The following IGSF11 variants were observed in gnomAD, a reference collection of about 807,000 sequenced individuals.
IGSF11 encodes the protein immunoglobulin superfamily member 11.
Under a neutral mutation model 41.0 loss-of-function variants are expected in IGSF11, and 22 were observed. The observed-to-expected ratio is 0.54, with a 90% confidence interval of 0.38 to 0.77. IGSF11 has a LOEUF of 0.77. Ranked by LOEUF, IGSF11 falls within the 30% of genes least tolerant of loss-of-function variation. IGSF11 has a pLI of 0.00. For synonymous variants in IGSF11, 219 were observed against 201.3 expected (o/e 1.09, Z -0.74); for missense variants, 444 against 530.8 (o/e 0.84, Z 1.61).
chr3:118,984,335 G>T (rs1007523124), intron 1 of IGSF11, among the ~76,000 whole-genome samples: 4 of 152,132 alleles, frequency 2.6e-5, no homozygotes, highest in African/African-American at 9.7e-5. Context: ...GTTATGTAAG[G>T]AAGGCCCTTC....
intron 1 of IGSF11, among the ~76,000 whole-genome samples, chr3:119,081,517 T>C (rs1020507949): frequency 3.3e-5 from 5 of 152,206 alleles, no homozygotes; most frequent in African/African-American, 1.2e-4. Flanking sequence ...TAAATATATA[T>C]AAAGAACTGT....
chr3:119,007,869 C>G (rs1253494971), intron 1 of IGSF11, among the ~76,000 whole-genome samples: 1 of 152,192 alleles, frequency 6.6e-6, no homozygotes, highest in African/African-American at 2.4e-5. Flanking sequence ...TCTAGTCAAG[C>G]TGCCTAAATA....
intron 1 of IGSF11, among the ~76,000 whole-genome samples, chr3:119,015,901 G>T (rs771097186): frequency 6.6e-6 from 1 of 152,108 alleles, no homozygotes; most frequent in Non-Finnish European, 1.5e-5. Context: ...CTTTCCATGA[G>T]AGAAAAACGA....
At chr3:118,938,037 T>A (rs561139915) in intron 1 of IGSF11, among the ~76,000 whole-genome samples, 2 of 150,114 alleles carry the variant, frequency 1.3e-5, no homozygotes, top group Non-Finnish European at 2.9e-5. Flanking sequence ...TATATATATA[T>A]AAAATGTGTG....
At chr3:119,029,154 T>C (rs1036893665) in intron 1 of IGSF11, among the ~76,000 whole-genome samples, 3 of 140,154 alleles carry the variant, frequency 2.1e-5, no homozygotes, top group Admixed American at 7.4e-5. Flanking sequence ...GTAGACATGG[T>C]ACTGCCTTTT....
At chr3:119,111,286 G>A (rs12494064) in intron 1 of IGSF11, among the ~76,000 whole-genome samples, 11,337 of 152,062 alleles carry the variant, frequency 0.075, 540 homozygotes, top group Admixed American at 0.16. Flanking sequence ...GGCTTTGTTC[G>A]TTTCTTTTTA....
In IGSF11 at chr3:119,055,270, C is replaced by G. The variant is rs372639574; in HGVS notation, c.49+49874G>C. Among the ~76,000 whole-genome samples, 23 of 152,238 alleles carry G rather than the reference C, an allele frequency of 1.5e-4. No individual in the cohort carries two copies. The East Asian group carries it at 4.4e-3, about 29-fold the overall frequency. On this transcript the variant is annotated intron_variant, in intron 1 of 6. Transcript: ENST00000354673. ...CCAGAAACTCTAAAAATCAGAGCAC[C>G]TCTCCTCCTCCAAAGGAATGCAGCT...
At chr3:119,062,209 A>G (rs1178587400) in intron 1 of IGSF11, among the ~76,000 whole-genome samples, 2 of 152,172 alleles carry the variant, frequency 1.3e-5, no homozygotes, top group East Asian at 1.9e-4. Flanking sequence ...CATCATGGGG[A>G]GGAAAGATCC....
chr3:119,007,843 A>G (rs958527119), intron 1 of IGSF11, among the ~76,000 whole-genome samples: 1 of 152,178 alleles, frequency 6.6e-6, no homozygotes, highest in African/African-American at 2.4e-5. Flanking sequence ...CTCCTTTATC[A>G]TATTTCTTTC....
At chr3:118,928,413 C>A (rs1942541446) in intron 3 of IGSF11, 96 bp downstream of exon 3, 3 of 848,104 alleles carry the variant, frequency 3.5e-6, no homozygotes, top group African/African-American at 3.4e-5. Flanking sequence ...AGAACATAAG[C>A]AGACTGAAGG....
chr3:119,045,055 T>A (rs1941268385), intron 1 of IGSF11, among the ~76,000 whole-genome samples: 1 of 152,182 alleles, frequency 6.6e-6, no homozygotes. Context: ...CACATCTCAA[T>A]ACTAACACTG....
intron 1 of IGSF11, 99 bp downstream of exon 1, chr3:119,034,432 G>T: frequency 3.3e-6 from 4 of 1,197,344 alleles, no homozygotes; most frequent in East Asian, 3.2e-5. Context: ...CCCGACCCTC[G>T]GCAAAGCAAG....
intron 1 of IGSF11, among the ~76,000 whole-genome samples, chr3:118,995,038 A>C (rs1936134225): frequency 6.6e-6 from 1 of 152,242 alleles, no homozygotes. Flanking sequence ...AAAAAATGTC[A>C]GAAGATGAGT....
intron 1 of IGSF11, among the ~76,000 whole-genome samples, chr3:118,984,417 C>G (rs546323746): frequency 1.3e-5 from 2 of 152,196 alleles, no homozygotes; most frequent in East Asian, 3.9e-4. Flanking sequence ...CAAAATGTAT[C>G]TAAGAAAAGA....
intron 1 of IGSF11, among the ~76,000 whole-genome samples, chr3:119,101,365 C>T (rs2076937409): frequency 1.3e-5 from 2 of 152,006 alleles, no homozygotes; most frequent in Admixed American, 1.3e-4. Context: ...CAAAATTAGC[C>T]AAGCGTGGTG....
rs1322909668 is a variant in IGSF11 at position 118,930,246 on chromosome 3, T to C, written c.82A>G (p.Ser28Gly). ...GVAASLEVSESPGSIQVARGQ... is the reference protein window; with the variant it reads ...GVAASLEVSEGPGSIQVARGQ... The stretch of plus-strand genomic sequence containing the variant: ...CGGGCCACCTGGATACTCCCAGGGC[T>C]CTCTGACACTTCCAGGGATGCTGCA... Residue 28 changes from serine to glycine, a missense_variant, in exon 2 of 7, where the codon AGC (serine) becomes GGC (glycine). Physicochemically the swap from Ser to Gly is moderately conservative, Grantham distance 56 (BLOSUM62 0). Transcript: ENST00000393775. 6.8e-6 allele frequency: 11 copies of C among 1,613,180 alleles called. No individual in the cohort carries two copies. Among genetic ancestry groups the C allele is most frequent in the Non-Finnish European group, 9.3e-6 (11 of 1,179,524 alleles).
intron 1 of IGSF11, among the ~76,000 whole-genome samples, chr3:118,997,611 G>C (rs1283319987): frequency 7.3e-6 from 1 of 136,316 alleles, no homozygotes; most frequent in Non-Finnish European, 1.5e-5. Flanking sequence ...AGTTAATCAT[G>C]AATCTTACCT....
At chr3:119,064,631 A>G (rs1559846473) in intron 1 of IGSF11, among the ~76,000 whole-genome samples, 1 of 151,550 alleles carries the variant, frequency 6.6e-6, no homozygotes, top group Non-Finnish European at 1.5e-5. Flanking sequence ...TTGGGAAAAA[A>G]TATCTTTATA....
chr3:119,133,496 T>C (rs549641518), intron 1 of IGSF11, among the ~76,000 whole-genome samples: 1 of 152,300 alleles, frequency 6.6e-6, no homozygotes, highest in African/African-American at 2.4e-5. Context: ...CCTGGACACA[T>C]GCACCCTCTC....
Sources: allele counts gnomAD v4.1 joint callset (sites outside exome capture counted in the v4.1 genomes callset), GRCh38; gene constraint gnomAD v4.1.1; transcripts MANE v1.5; gene names NCBI Gene and HGNC (gene_info 2026-07-23, HGNC 2026-07-21).